ENPP1: variants seen among roughly 807,000 people sequenced by gnomAD.
ENPP1 encodes the protein ectonucleotide pyrophosphatase/phosphodiesterase family member 1.
ENPP1 carries 73 observed loss-of-function variants against 122.8 expected under a neutral mutation model. The ratio of observed to expected loss-of-function variants is 0.59; its 90% CI spans 0.49 to 0.72. ENPP1 has a LOEUF of 0.72. Ranked by LOEUF, ENPP1 falls within the 30% of genes least tolerant of loss-of-function variation. ENPP1 has a pLI of 0.00. For synonymous variants in ENPP1, 367 were observed against 391.6 expected, an observed-to-expected ratio of 0.94 and a Z score of 0.74; for missense variants, 978 against 1,128.1, an observed-to-expected ratio of 0.87 and a Z score of 1.91.
intron 11 of ENPP1, 60 bp downstream of exon 11, chr6:131,864,998 T>C: frequency 9.6e-7 from 1 of 1,042,098 alleles, no homozygotes; most frequent in African/African-American, 1.6e-5. Context: ...TGAACCTCGC[T>C]TTGAAGGAGG....
At chr6:131,827,765 T>C in intron 1 of ENPP1, 1 of 753,880 alleles carries the variant, frequency 1.3e-6, no homozygotes, top group Admixed American at 1.8e-5. Context: ...GGGCTTTCTA[T>C]ACCAGCTGAC....
chr6:131,867,986 T>C (rs762311071), intron 11 of ENPP1, 32 bp from the exon 12 acceptor site: 3 of 1,321,648 alleles, frequency 2.3e-6, no homozygotes, highest in Non-Finnish European at 2.2e-6. Context: ...GTGTGGAAGG[T>C]ATCACATGAG....
chr6:131,880,610 T>C (rs946914906), intron 20 of ENPP1, among the ~76,000 whole-genome samples: 3 of 151,720 alleles, frequency 2.0e-5, no homozygotes, highest in Non-Finnish European at 4.4e-5. Context: ...TCTCTTTTCC[T>C]CCCCGACCCC....
Position 131,851,145 on chromosome 6 carries a change from A to G in ENPP1, c.434A>G (p.His145Arg), listed in dbSNP as rs762873229. Residue 145 changes from histidine (H) to arginine (R), a missense_variant, in exon 4 of 25, where the codon CAT becomes CGT. Physicochemically the swap from His to Arg is conservative, Grantham distance 29 (BLOSUM62 0). Coordinates refer to ENST00000647893, the MANE Select transcript of ENPP1 (RefSeq NM_006208.3). ...TTTTGCTGATGTTTGTTTCTAGAAC[A>G]TATATGGACTTGCAACAAATTCAGG... ...DYQETCIEPE[H>R]IWTCNKFRCG... 6.2e-7 allele frequency: 1 copy of G among 1,614,060 alleles called. No individual in the cohort carries two copies. Among genetic ancestry groups the G allele is most frequent in the Admixed American group, 1.7e-5 (1 of 60,028 alleles).
intron 20 of ENPP1, among the ~76,000 whole-genome samples, chr6:131,881,420 T>C (rs558594084): frequency 3.5e-4 from 53 of 152,306 alleles, no homozygotes; most frequent in African/African-American, 1.2e-3. Context: ...CTTGATTCCA[T>C]TTTCAGTTTT....
At position 131,847,856 on chromosome 6, in the gene ENPP1, GGTGTGTGT is replaced by G. The variant is rs59956343; in HGVS notation, c.313+39_313+46del. ...CAAGCTGTGCCAAAGAAGGTAATTA[GGTGTGTGT>G]GTGTGTGTGTGTGTGTGTGTGTGTG... On this transcript the variant is annotated intron_variant, in intron 2 of 24. Transcript: ENST00000647893. The G allele has an allele frequency of 4.6e-4, 542 of 1,181,894 alleles. No homozygotes were observed. The highest frequency in any genetic ancestry group is 2.6e-3 in the African/African-American group (152 of 58,764). 73.2% of individuals were successfully genotyped at this position (1,181,894 alleles called of 1,614,324 possible).
chr6:131,872,089 C>T lies in ENPP1; in HGVS notation c.1425C>T (p.Ala475=). The T allele has an allele frequency of 1.3e-6, 2 of 1,590,008 alleles. No individual in the cohort carries two copies. The highest frequency in any genetic ancestry group is 1.7e-4 in the Middle Eastern group (1 of 5,808). ...KYYSFNYEGI[A]RNLSCREPNQ... ...CTCCAGTTAACTATGAAGGCATTGC[C>T]CGAAATCTTTCTGTGAGTATCTTTA... The change falls in exon 14 of 25, where the codon GCC becomes GCT. Residue 475 remains alanine (A), a synonymous_variant. Transcript: ENST00000647893.
chr6:131,808,951 T>C (rs769096337), intron 1 of ENPP1, among the ~76,000 whole-genome samples: 5 of 152,232 alleles, frequency 3.3e-5, no homozygotes, highest in African/African-American at 9.6e-5. Flanking sequence ...GGACCCACAG[T>C]CAACTTCATG....
At chr6:131,852,084 G>GT in intron 4 of ENPP1, 91 bp from the exon 5 acceptor site, 1 of 825,424 alleles carries the variant, frequency 1.2e-6, no homozygotes. Flanking sequence ...CACATACTTT[G>GT]TTTTTGGAAT....
chr6:131,835,870 A>G (rs1781666969), intron 1 of ENPP1, among the ~76,000 whole-genome samples: 1 of 152,066 alleles, frequency 6.6e-6, no homozygotes. Context: ...GTTCTCTTTC[A>G]TGTACATCAT....
chr6:131,881,144 A>C (rs1183063208), intron 20 of ENPP1, among the ~76,000 whole-genome samples: 1 of 152,242 alleles, frequency 6.6e-6, no homozygotes, highest in Non-Finnish European at 1.5e-5. Flanking sequence ...TGATTTAAAA[A>C]ATAAAATGAT....
intron 1 of ENPP1, among the ~76,000 whole-genome samples, chr6:131,811,406 C>CTATATCTATATCTATATCTATATG (rs1781351771): frequency 1.4e-5 from 2 of 142,542 alleles, no homozygotes; most frequent in African/African-American, 5.6e-5. Context: ...ATATCTATAT[C>CTATATCTATATCTATATCTATATG]TATATCTATA....
intron 19 of ENPP1, among the ~76,000 whole-genome samples, chr6:131,879,153 G>A (rs79394377): frequency 0.014 from 2,107 of 152,172 alleles, 52 homozygotes; most frequent in African/African-American, 0.049. Flanking sequence ...TTCTGCATTA[G>A]TTCTGATGTA....
rs575426615 is a variant in ENPP1, at chr6:131,881,680, G to A, written c.2101-665G>A. Reference sequence around the variant, plus strand: ...GGGCAGATCACGAGGTCAGGAGTTCGAGACCATCCTGGCTAACATGGTGAA... The same window carrying A: ...GGGCAGATCACGAGGTCAGGAGTTCAAGACCATCCTGGCTAACATGGTGAA... On this transcript the variant is annotated intron_variant, in intron 20 of 24. Transcript: ENST00000647893. Among the ~76,000 whole-genome samples the A allele has an allele frequency of 5.3e-5, 8 of 152,126 alleles. No homozygotes were observed. The South Asian group carries it at 1.2e-3, about 24-fold the overall frequency.
At chr6:131,887,414 A>G (rs887679043) in intron 24 of ENPP1, among the ~76,000 whole-genome samples, 3 of 149,960 alleles carry the variant, frequency 2.0e-5, no homozygotes, top group Admixed American at 6.6e-5. Flanking sequence ...TTTTTTTGAG[A>G]CAGAGTCTCA....
rs371369540 is a variant in ENPP1, at chr6:131,879,241, T to C, written c.1946-639T>C. ...ATATCTCCAAGGTGGCAAAGTATTG[T>C]GGTGAATGATGGCACTTTCAGAATT... On this transcript the variant is annotated intron_variant, in intron 19 of 24. Coordinates refer to ENST00000647893, the MANE Select transcript of ENPP1 (RefSeq NM_006208.3). Among the ~76,000 whole-genome samples the C allele has an allele frequency of 8.2e-4, 125 of 152,338 alleles. 5 individuals carry two copies. The South Asian group carries it at 0.025, about 30-fold the overall frequency.
At chr6:131,841,474 A>G (rs1386103485) in intron 1 of ENPP1, among the ~76,000 whole-genome samples, 1 of 152,196 alleles carries the variant, frequency 6.6e-6, no homozygotes, top group Non-Finnish European at 1.5e-5. Flanking sequence ...CCTAAACAAA[A>G]TTTTGTGTGT....
intron 8 of ENPP1, among the ~76,000 whole-genome samples, chr6:131,861,116 T>C (rs1782018044): frequency 6.6e-6 from 1 of 152,204 alleles, no homozygotes; most frequent in Non-Finnish European, 1.5e-5. Context: ...GCTGTGTGAC[T>C]TTGGACAAAT....
At chr6:131,868,664 C>T (rs1445484012) in intron 12 of ENPP1, among the ~76,000 whole-genome samples, 2 of 152,208 alleles carry the variant, frequency 1.3e-5, no homozygotes, top group Non-Finnish European at 1.5e-5. Context: ...AGGCTGGTCT[C>T]AAACTCTTGC....
Sources: gnomAD v4.1 joint callset for allele counts (sites outside exome capture counted in the v4.1 genomes callset) on GRCh38, gnomAD v4.1.1 for gene constraint, MANE v1.5 for transcripts, NCBI Gene and HGNC (gene_info 2026-07-23, HGNC 2026-07-21) for gene names.